The following RAP1A variants were observed in gnomAD, a reference collection of about 807,000 sequenced individuals.
The protein encoded by RAP1A is RAP1A, member of RAS oncogene family.
In RAP1A, 6 loss-of-function variants were observed where a neutral mutation model predicts 26.4. The observed-to-expected ratio is 0.23, with a 90% CI of 0.12 to 0.45. The LOEUF (loss-of-function observed/expected upper bound fraction) is 0.45. Ranked by LOEUF, RAP1A falls within the 20% of genes least tolerant of loss-of-function variation. RAP1A has a pLI of 0.99. For missense variants in RAP1A, 121 were observed against 217.2 expected, an observed-to-expected ratio of 0.56 and a Z score of 2.78; for synonymous variants, 73 against 79.4, an observed-to-expected ratio of 0.92 and a Z score of 0.43.
chr1:111,616,304 C>T (rs1659013568), upstream of RAP1A, among the ~76,000 whole-genome samples: 1 of 152,198 alleles, frequency 6.6e-6, no homozygotes, highest in Non-Finnish European at 1.5e-5. Flanking sequence ...CCTGTTTGTG[C>T]AGCTCCCTGA....
intron 6 of RAP1A, among the ~76,000 whole-genome samples, chr1:111,707,441 T>C (rs977342933): frequency 1.3e-5 from 2 of 152,172 alleles, no homozygotes; most frequent in Non-Finnish European, 2.9e-5. Flanking sequence ...ATTATTAAAA[T>C]TTTGCCACTT....
chr1:111,565,403 T>C (rs1299978197), intron 1 of RAP1A, among the ~76,000 whole-genome samples: 1 of 152,218 alleles, frequency 6.6e-6, no homozygotes, highest in Non-Finnish European at 1.5e-5. Flanking sequence ...GGCGTTACTG[T>C]CAAGAAGCTG....
chr1:111,664,393 A>C (rs868752989), intron 1 of RAP1A, among the ~76,000 whole-genome samples: 11 of 150,302 alleles, frequency 7.3e-5, no homozygotes, highest in South Asian at 2.1e-4. Context: ...AAAAAAAAAA[A>C]AAAAACAAAA....
chr1:111,665,896 A>G (rs1660785488), intron 1 of RAP1A, among the ~76,000 whole-genome samples: 4 of 152,216 alleles, frequency 2.6e-5, no homozygotes, highest in Admixed American at 2.6e-4. Context: ...AATATGAAGC[A>G]TATATTTTAC....
intron 1 of RAP1A, among the ~76,000 whole-genome samples, chr1:111,558,699 G>A (rs1657613810): frequency 6.6e-6 from 1 of 151,978 alleles, no homozygotes; most frequent in African/African-American, 2.4e-5. Context: ...TTATTTCCCA[G>A]GAAGATATAA....
At chr1:111,660,208 A>C (rs952432033) in intron 1 of RAP1A, among the ~76,000 whole-genome samples, 35 of 152,276 alleles carry the variant, frequency 2.3e-4, no homozygotes, top group African/African-American at 6.7e-4. Context: ...TTTTCTGGGA[A>C]CACTTTAAAT....
intron 1 of RAP1A, among the ~76,000 whole-genome samples, chr1:111,690,679 A>G (rs1661640499): frequency 6.6e-6 from 1 of 152,224 alleles, no homozygotes; most frequent in African/African-American, 2.4e-5. Context: ...TGGCCACTGA[A>G]AATTATTTCC....
intron 1 of RAP1A, among the ~76,000 whole-genome samples, chr1:111,672,261 C>T (rs1660997958): frequency 6.6e-6 from 1 of 151,912 alleles, no homozygotes; most frequent in South Asian, 2.1e-4. Context: ...TTTTATTTTT[C>T]TATTGAGTGC....
chr1:111,623,393 T>A (rs1260143658), intron 1 of RAP1A, among the ~76,000 whole-genome samples: 1 of 151,914 alleles, frequency 6.6e-6, no homozygotes. Flanking sequence ...TTTAGAATAT[T>A]ATAGCTGTGA....
chr1:111,593,228 G>A (rs540980185), intron 1 of RAP1A, among the ~76,000 whole-genome samples: 9 of 152,228 alleles, frequency 5.9e-5, no homozygotes, highest in Non-Finnish European at 1.0e-4. Flanking sequence ...TAGACAAGTC[G>A]CCTAACTGCC....
At chr1:111,557,606 A>G (rs1033006085) in intron 1 of RAP1A, among the ~76,000 whole-genome samples, 2 of 152,074 alleles carry the variant, frequency 1.3e-5, no homozygotes, top group African/African-American at 4.8e-5. Flanking sequence ...ATAATTAAAA[A>G]TTGGAACTTT....
chr1:111,590,074 A>G (rs1247601586), intron 1 of RAP1A, among the ~76,000 whole-genome samples: 1 of 151,956 alleles, frequency 6.6e-6, no homozygotes, highest in Non-Finnish European at 1.5e-5. Flanking sequence ...CCGGCCTACT[A>G]TACTTTCTAA....
intron 1 of RAP1A, among the ~76,000 whole-genome samples, chr1:111,686,090 TAGGG>T (rs1022419017): frequency 3.9e-5 from 5 of 128,716 alleles, no homozygotes; most frequent in African/African-American, 1.5e-4. Flanking sequence ...CACATGGACA[TAGGG>T]AGGAGAAGGT....
At chr1:111,682,775 A>G (rs1661338295) in intron 1 of RAP1A, among the ~76,000 whole-genome samples, 2 of 152,168 alleles carry the variant, frequency 1.3e-5, no homozygotes, top group African/African-American at 4.8e-5. Context: ...CGAGACAGAA[A>G]ATTGGCAAGG....
At chr1:111,624,477 T>C (rs1659332089) in intron 1 of RAP1A, among the ~76,000 whole-genome samples, 1 of 152,250 alleles carries the variant, frequency 6.6e-6, no homozygotes, top group African/African-American at 2.4e-5. Flanking sequence ...CTCAGTCTCC[T>C]GCACACAGTT....
chr1:111,637,733 T>TTA (rs1197298391), intron 1 of RAP1A, among the ~76,000 whole-genome samples: 1 of 152,180 alleles, frequency 6.6e-6, no homozygotes, highest in East Asian at 1.9e-4. Flanking sequence ...GAGTATCTTT[T>TTA]AACAGTACCC....
rs548829843 is a variant in RAP1A, at chr1:111,625,275, G to C, written c.-28+5341G>C. 3.6e-4 allele frequency among the ~76,000 whole-genome samples: 54 copies of C among 151,714 alleles called. 1 individual carries two copies. The South Asian group carries it at 9.0e-3, about 25-fold the overall frequency. ...TATTCTGGAGGTAAAAGATAATTTT[G>C]TTCATGATAGGACTGTGGTTAGCTG... On this transcript the variant is annotated intron_variant, in intron 1 of 7. Transcript: ENST00000369709.
intron 1 of RAP1A, chr1:111,602,363 A>T (rs1359720406): frequency 6.6e-6 from 1 of 152,222 alleles, no homozygotes; most frequent in Non-Finnish European, 1.5e-5. Context: ...AGTTATCTTT[A>T]AAAATGGGGA....
At chr1:111,587,146 CT>C (rs1262818712) in intron 1 of RAP1A, among the ~76,000 whole-genome samples, 2 of 152,118 alleles carry the variant, frequency 1.3e-5, no homozygotes, top group Non-Finnish European at 2.9e-5. Context: ...TATCGACTTC[CT>C]GCCTTCTGCA....
Sources: gnomAD v4.1 joint callset for allele counts (sites outside exome capture counted in the v4.1 genomes callset) on GRCh38, gnomAD v4.1.1 for gene constraint, MANE v1.5 for transcripts, NCBI Gene and HGNC (gene_info 2026-07-23, HGNC 2026-07-21) for gene names.